Variants in RABGAP1L observed in about 807,000 individuals in gnomAD.
RABGAP1L encodes the protein rab GTPase-activating protein 1-like.
RABGAP1L carries 63 observed loss-of-function variants against 137.7 expected under a neutral mutation model. The observed-to-expected ratio is 0.46, with a 90% CI of 0.37 to 0.56. The LOEUF is 0.56. Ranked by LOEUF, RABGAP1L falls within the 20% of genes least tolerant of loss-of-function variation. RABGAP1L has a pLI of 0.00. For missense variants in RABGAP1L, 1,095 were observed against 1,244.0 expected, an observed-to-expected ratio of 0.88 and a Z score of 1.80; for synonymous variants, 431 against 433.7, an observed-to-expected ratio of 0.99 and a Z score of 0.08.
chr1:174,675,023 TC>T (rs1448675567), intron 14 of RABGAP1L, among the ~76,000 whole-genome samples: 2 of 151,992 alleles, frequency 1.3e-5, no homozygotes, highest in Non-Finnish European at 2.9e-5. Flanking sequence ...AAAAATTTTC[TC>T]CCATTTTGTA....
intron 13 of RABGAP1L, among the ~76,000 whole-genome samples, chr1:174,561,127 C>G (rs1345172111): frequency 6.6e-6 from 1 of 152,158 alleles, no homozygotes; most frequent in Non-Finnish European, 1.5e-5. Context: ...CCCATTGTCT[C>G]AGCCCAAAAT....
intron 13 of RABGAP1L, among the ~76,000 whole-genome samples, chr1:174,568,951 T>C (rs959571118): frequency 1.3e-5 from 2 of 152,236 alleles, no homozygotes; most frequent in Non-Finnish European, 2.9e-5. Flanking sequence ...GGTATTTAAT[T>C]GTATGCCAGG....
chr1:174,441,277 G>A (rs902714363), intron 13 of RABGAP1L, among the ~76,000 whole-genome samples: 1 of 151,748 alleles, frequency 6.6e-6, no homozygotes, highest in African/African-American at 2.4e-5. Context: ...TAATGACCCC[G>A]AAAATGAAGC....
At chr1:174,171,709 A>AC (rs969565717) in intron 1 of RABGAP1L, among the ~76,000 whole-genome samples, 2 of 151,518 alleles carry the variant, frequency 1.3e-5, no homozygotes, top group African/African-American at 4.9e-5. Context: ...AAAAAAAAAA[A>AC]AAAAAGGATT....
intron 19 of RABGAP1L, among the ~76,000 whole-genome samples, chr1:174,914,694 T>C (rs752046483): frequency 1.3e-5 from 2 of 152,150 alleles, no homozygotes; most frequent in Non-Finnish European, 2.9e-5. Flanking sequence ...GTATAAGTTA[T>C]ATAGTATAAA....
Position 174,969,321 on chromosome 1 carries a change from A to G in RABGAP1L, c.2478A>G (p.Gln826=), listed in dbSNP as rs1669932878. ...RLQEASMRLE[Q]ENDDLAHELV... The stretch of plus-strand genomic sequence containing the variant: ...AGGAGGCCAGCATGAGGTTGGAACA[A>G]GAGAATGATGACCTTGCCCATGAAC... Residue 826 remains glutamine, a synonymous_variant, in exon 21 of 26, where the codon CAA becomes CAG. Transcript: ENST00000681986. The G allele has an allele frequency of 1.3e-6, 2 of 1,550,888 alleles. No individual in the cohort carries two copies. The highest frequency in any genetic ancestry group is 1.7e-6 in the Non-Finnish European group (2 of 1,147,012).
chr1:174,203,439 GCTCT>G (rs1175225336), intron 1 of RABGAP1L, among the ~76,000 whole-genome samples: 1 of 152,096 alleles, frequency 6.6e-6, no homozygotes, highest in Non-Finnish European at 1.5e-5. Flanking sequence ...TTATTTCTGG[GCTCT>G]CTATTTTGTT....
chr1:174,669,997 A>G (rs1677060103), intron 14 of RABGAP1L, among the ~76,000 whole-genome samples: 1 of 151,874 alleles, frequency 6.6e-6, no homozygotes, highest in African/African-American at 2.4e-5. Context: ...TTAAAGATTT[A>G]TTTTTCTATT....
intron 1 of RABGAP1L, among the ~76,000 whole-genome samples, chr1:174,205,220 T>C (rs1231519532): frequency 2.0e-5 from 3 of 152,184 alleles, no homozygotes; most frequent in African/African-American, 7.2e-5. Flanking sequence ...TTGTTGAGGA[T>C]TTTTGCGTTG....
At chr1:174,584,613 A>G (rs1181818256) in intron 13 of RABGAP1L, among the ~76,000 whole-genome samples, 4 of 152,314 alleles carry the variant, frequency 2.6e-5, no homozygotes, top group Admixed American at 2.0e-4. Context: ...TCTGTGTCAA[A>G]AAATATATAT....
intron 14 of RABGAP1L, among the ~76,000 whole-genome samples, chr1:174,675,655 A>G (rs1046550195): frequency 1.1e-4 from 17 of 152,108 alleles, no homozygotes; most frequent in Non-Finnish European, 2.4e-4. Flanking sequence ...TGGGGATGGC[A>G]TTGAATCTAT....
intron 13 of RABGAP1L, among the ~76,000 whole-genome samples, chr1:174,611,055 T>A (rs1671197281): frequency 1.3e-5 from 2 of 150,100 alleles, no homozygotes; most frequent in Admixed American, 6.6e-5. Context: ...AGCTCTTTAG[T>A]TTAATTAGAT....
At chr1:174,534,744 C>T (rs1664746558) in intron 13 of RABGAP1L, among the ~76,000 whole-genome samples, 2 of 124,792 alleles carry the variant, frequency 1.6e-5, no homozygotes, top group South Asian at 5.0e-4. Context: ...CACTGCACTC[C>T]AGCTTGGATG....
chr1:174,263,651 C>T (rs867760623), intron 7 of RABGAP1L, among the ~76,000 whole-genome samples: 2 of 151,998 alleles, frequency 1.3e-5, no homozygotes, highest in Admixed American at 1.3e-4. Context: ...TTCCATTCCA[C>T]GCACAGCCTT....
rs140289511 is a variant in RABGAP1L at position 174,404,532 on chromosome 1, T to C, written c.1710+10387T>C. ...ATATCATGGTAAGCCTCGGGAAATA[T>C]ATGTCATGTCAAAATGATAGCACAA... On this transcript the variant is annotated intron_variant, in intron 13 of 25. Coordinates refer to ENST00000681986, the MANE Select transcript of RABGAP1L (RefSeq NM_001366446.1). Among the ~76,000 whole-genome samples, 104 of 152,314 alleles carry C rather than the reference T, an allele frequency of 6.8e-4. 1 individual carries two copies. The highest frequency in any genetic ancestry group is 2.3e-3 in the African/African-American group (95 of 41,580).
At chr1:174,166,230 G>GTT (rs141862311) in intron 1 of RABGAP1L, among the ~76,000 whole-genome samples, 6 of 148,990 alleles carry the variant, frequency 4.0e-5, no homozygotes, top group East Asian at 2.0e-4. Flanking sequence ...GAGAGACAGT[G>GTT]TTTTTTTTTT....
intron 19 of RABGAP1L, among the ~76,000 whole-genome samples, chr1:174,873,468 A>G (rs760778131): frequency 9.3e-5 from 14 of 151,110 alleles, no homozygotes; most frequent in Admixed American, 4.6e-4. Context: ...AATATGAGAT[A>G]TAGGAAAAAG....
At chr1:174,466,541 C>G (rs899462660) in intron 13 of RABGAP1L, among the ~76,000 whole-genome samples, 2 of 152,224 alleles carry the variant, frequency 1.3e-5, no homozygotes, top group East Asian at 3.9e-4. Flanking sequence ...AATCCCAGCA[C>G]TTTGGGAGGC....
At chr1:174,665,353 TTTCCTTTCCTTC>T (rs1676706668) in intron 14 of RABGAP1L, among the ~76,000 whole-genome samples, 1 of 151,976 alleles carries the variant, frequency 6.6e-6, no homozygotes, top group Non-Finnish European at 1.5e-5. Flanking sequence ...CCTTCCTTCT[TTTCCTTTCCTTC>T]TTCCTTTTCT....
Sources: gnomAD v4.1 joint callset for allele counts (sites outside exome capture counted in the v4.1 genomes callset) on GRCh38, gnomAD v4.1.1 for gene constraint, MANE v1.5 for transcripts, NCBI Gene and HGNC (gene_info 2026-07-23, HGNC 2026-07-21) for gene names.